MGAT5: variants seen among roughly 807,000 people sequenced by gnomAD.
The protein encoded by MGAT5 is alpha-1,6-mannosylglycoprotein 6-beta-N-acetylglucosaminyltransferase, also known as alpha-1,6-mannosylglycoprotein 6-beta-N-acetylglucosaminyltransferase A.
MGAT5 carries 30 observed loss-of-function variants against 94.3 expected under a neutral mutation model. The ratio of observed to expected loss-of-function variants is 0.32; its 90% CI spans 0.24 to 0.43. The LOEUF is 0.43. Among genes scored for constraint, MGAT5 ranks in the 20% least tolerant of loss-of-function variants. The pLI is 1.00. For missense variants in MGAT5, 691 were observed against 905.5 expected (o/e 0.76, Z 3.04); for synonymous variants, 310 against 322.9 (o/e 0.96, Z 0.43).
At chr2:134,156,089 C>T (rs1413027297) in intron 1 of MGAT5, among the ~76,000 whole-genome samples, 1 of 152,196 alleles carries the variant, frequency 6.6e-6, no homozygotes, top group Admixed American at 6.5e-5. Flanking sequence ...CAGCAGCACA[C>T]AACGCAGGCC....
At chr2:134,324,307 T>A (rs1360383316) in intron 4 of MGAT5, among the ~76,000 whole-genome samples, 1 of 152,178 alleles carries the variant, frequency 6.6e-6, no homozygotes, top group East Asian at 1.9e-4. Flanking sequence ...TTGGACTAGA[T>A]GCATGAGAGT....
At chr2:134,387,301 G>GATATATATATATATATATATATATAT (rs1553458949) in intron 10 of MGAT5, among the ~76,000 whole-genome samples, 1 of 42,604 alleles carries the variant, frequency 2.3e-5, no homozygotes, top group Non-Finnish European at 4.0e-5. Flanking sequence ...AGTTATGTAT[G>GATATATATATATATATATATATATAT]ATATATATAT....
intron 1 of MGAT5, among the ~76,000 whole-genome samples, chr2:134,221,256 T>A (rs868207855): frequency 9.2e-5 from 14 of 152,330 alleles, no homozygotes; most frequent in Middle Eastern, 3.4e-3. Context: ...CAAATACATT[T>A]AAGGAATGCA....
intron 2 of MGAT5, among the ~76,000 whole-genome samples, chr2:134,296,735 A>G (rs771882620): frequency 7.2e-5 from 11 of 152,218 alleles, no homozygotes; most frequent in Non-Finnish European, 1.3e-4. Context: ...ATTAGGAAAA[A>G]AAATATGCAT....
chr2:134,242,714 C>T (rs979787854), intron 1 of MGAT5, among the ~76,000 whole-genome samples: 1 of 152,168 alleles, frequency 6.6e-6, no homozygotes, highest in Non-Finnish European at 1.5e-5. Context: ...GATGAGAGTT[C>T]GAGTAGCAAT....
intron 9 of MGAT5, among the ~76,000 whole-genome samples, chr2:134,359,350 A>G (rs958182767): frequency 2.6e-5 from 4 of 152,238 alleles, no homozygotes; most frequent in Non-Finnish European, 4.4e-5. Context: ...AAAGCAGCCA[A>G]TCTGGCTCTG....
intron 1 of MGAT5, among the ~76,000 whole-genome samples, chr2:134,191,044 C>T (rs1018446202): frequency 6.6e-6 from 1 of 152,292 alleles, no homozygotes; most frequent in Admixed American, 6.5e-5. Flanking sequence ...TGCTTTGGAA[C>T]GTTTCATGTT....
At chr2:134,163,002 C>T (rs775658183) in intron 1 of MGAT5, among the ~76,000 whole-genome samples, 2 of 152,042 alleles carry the variant, frequency 1.3e-5, no homozygotes, top group Non-Finnish European at 2.9e-5. Flanking sequence ...TGTGGAGTGT[C>T]GGTGTTGCTG....
intron 1 of MGAT5, among the ~76,000 whole-genome samples, chr2:134,243,645 TA>T (rs1050339108): frequency 1.4e-4 from 21 of 152,368 alleles, no homozygotes; most frequent in African/African-American, 5.1e-4. Context: ...AGAACTTCTT[TA>T]TAAGGTTAAG....
At chr2:134,123,821 T>C (rs1007488684) in intron 1 of MGAT5, among the ~76,000 whole-genome samples, 1 of 152,162 alleles carries the variant, frequency 6.6e-6, no homozygotes, top group Non-Finnish European at 1.5e-5. Context: ...AATTGGGTGA[T>C]AGGGTGAGAA....
intron 9 of MGAT5, among the ~76,000 whole-genome samples, chr2:134,350,409 C>G (rs568181338): frequency 1.3e-5 from 2 of 152,102 alleles, no homozygotes; most frequent in Non-Finnish European, 2.9e-5. Flanking sequence ...CTGTTTTAAA[C>G]TCAGTTTTGT....
At chr2:134,390,718 C>T (rs1263418289) in intron 10 of MGAT5, among the ~76,000 whole-genome samples, 1 of 152,148 alleles carries the variant, frequency 6.6e-6, no homozygotes, top group Non-Finnish European at 1.5e-5. Flanking sequence ...TGTATTCTGT[C>T]TGAAAACACT....
At chr2:134,161,902 CAT>C (rs774210288) in intron 1 of MGAT5, among the ~76,000 whole-genome samples, 4 of 151,942 alleles carry the variant, frequency 2.6e-5, no homozygotes, top group Non-Finnish European at 4.4e-5. Flanking sequence ...TGAGAATACA[CAT>C]GTTTGGCCGG....
At chr2:134,212,590 A>G (rs1680259986) in intron 1 of MGAT5, among the ~76,000 whole-genome samples, 1 of 152,210 alleles carries the variant, frequency 6.6e-6, no homozygotes, top group South Asian at 2.1e-4. Flanking sequence ...ATAACAACAT[A>G]AAACCCCGTA....
intron 1 of MGAT5, among the ~76,000 whole-genome samples, chr2:134,172,379 T>C (rs1297610164): frequency 7.8e-6 from 1 of 128,718 alleles, no homozygotes; most frequent in African/African-American, 2.9e-5. Flanking sequence ...AAGTACTCCC[T>C]TTTTTTTTTT....
chr2:134,329,850 G>A (rs1687859101), intron 4 of MGAT5, among the ~76,000 whole-genome samples: 1 of 152,122 alleles, frequency 6.6e-6, no homozygotes, highest in South Asian at 2.1e-4. Context: ...AGGTGTTGGT[G>A]CAGAGAACTA....
intron 2 of MGAT5, among the ~76,000 whole-genome samples, chr2:134,294,858 C>A (rs1685576690): frequency 6.6e-6 from 1 of 152,176 alleles, no homozygotes; most frequent in Admixed American, 6.5e-5. Flanking sequence ...TTCCTTTGTT[C>A]TCCTCTGCCT....
chr2:134,230,278 T>C (rs969324446), intron 1 of MGAT5, among the ~76,000 whole-genome samples: 3 of 151,944 alleles, frequency 2.0e-5, no homozygotes, highest in Non-Finnish European at 2.9e-5. Context: ...TGACAGGAGG[T>C]GGAGCTCAGG....
chr2:134,442,316 CAG>C (rs958718537), intron 15 of MGAT5, among the ~76,000 whole-genome samples: 26 of 152,134 alleles, frequency 1.7e-4, no homozygotes, highest in Admixed American at 9.8e-4. Context: ...AGGCCTCCAG[CAG>C]AGTCTGAGCA....
Sources: gnomAD v4.1 joint callset for allele counts (sites outside exome capture counted in the v4.1 genomes callset) on GRCh38, gnomAD v4.1.1 for gene constraint, MANE v1.5 for transcripts, NCBI Gene and HGNC (gene_info 2026-07-23, HGNC 2026-07-21) for gene names.